ST3GAL1: variants seen among roughly 807,000 people sequenced by gnomAD.
The protein encoded by ST3GAL1 is CMP-N-acetylneuraminate-beta-galactosamide-alpha-2,3-sialyltransferase 1.
A neutral mutation model predicts 34.1 loss-of-function variants in ST3GAL1; 16 were observed. The ratio of observed to expected loss-of-function variants is 0.47; its 90% CI spans 0.32 to 0.71. The LOEUF is 0.71. ST3GAL1 is among the 30% of genes least tolerant of loss of function. The probability of loss-of-function intolerance (pLI) is 0.04; values close to 1 mark genes in which losing one functional copy is unlikely to be tolerated. For synonymous variants in ST3GAL1, 191 were observed against 184.7 expected (o/e 1.03, Z -0.28); for missense variants, 353 against 447.4 (o/e 0.79, Z 1.90).
Position 133,461,794 on chromosome 8 carries a change from C to G in ST3GAL1, c.849+81G>C. 1 of 1,584,188 alleles carries G rather than the reference C, an allele frequency of 6.3e-7. No homozygotes were observed. The highest frequency in any genetic ancestry group is 1.1e-5 in the South Asian group (1 of 87,206). ...GAAGAGGCAGGCTAGGTCTACCTGC[C>G]CTCCCCCTCCCTGGCCTCTCTTGGG... On this transcript the variant is annotated intron_variant, in intron 9 of 9. Coordinates refer to ENST00000522652, the MANE Select transcript of ST3GAL1 (RefSeq NM_173344.3). This position sits in a 1 kb window ranked among gnomAD's most constrained non-coding sequence, Gnocchi z 4.7.
At chr8:133,485,125 T>C (rs1043707212) in intron 3 of ST3GAL1, among the ~76,000 whole-genome samples, 18 of 151,990 alleles carry the variant, frequency 1.2e-4, no homozygotes, top group African/African-American at 4.4e-4. Context: ...GGCCACTGTC[T>C]ACAGGAGTGA....
At chr8:133,549,410 A>C (rs1486030143) in intron 1 of ST3GAL1, among the ~76,000 whole-genome samples, 1 of 152,104 alleles carries the variant, frequency 6.6e-6, no homozygotes, top group East Asian at 1.9e-4. Context: ...CTCCAAAAAA[A>C]AAAAAAGATA....
At chr8:133,484,437 A>C (rs1232079130) in intron 3 of ST3GAL1, among the ~76,000 whole-genome samples, 1 of 152,230 alleles carries the variant, frequency 6.6e-6, no homozygotes, top group Non-Finnish European at 1.5e-5. Flanking sequence ...AACAACTAGG[A>C]GATGGCAGAG....
chr8:133,465,396 C>T (rs1331774345), intron 6 of ST3GAL1, among the ~76,000 whole-genome samples: 1 of 152,142 alleles, frequency 6.6e-6, no homozygotes, highest in Non-Finnish European at 1.5e-5. Flanking sequence ...GGATGGCCAG[C>T]CCCCACCCCT....
At chr8:133,541,120 T>TATATATATATATATATATATATATATAG (rs71299078) in intron 2 of ST3GAL1, among the ~76,000 whole-genome samples, 6 of 48,628 alleles carry the variant, frequency 1.2e-4, no homozygotes, top group African/African-American at 4.9e-4. Context: ...TATATATATA[T>TATATATATATATATATATATATATATAG]AGAGAGAGAG....
At chr8:133,463,737 A>G (rs1815613229) in intron 7 of ST3GAL1, among the ~76,000 whole-genome samples, 1 of 152,200 alleles carries the variant, frequency 6.6e-6, no homozygotes. Flanking sequence ...CTCCAAGCAC[A>G]GCCTTAAGGA....
chr8:133,492,954 T>C (rs1816828493), intron 3 of ST3GAL1, among the ~76,000 whole-genome samples: 1 of 152,192 alleles, frequency 6.6e-6, no homozygotes, highest in Admixed American at 6.5e-5. Context: ...GAGGCGACTC[T>C]GGCAGGAGAG....
At chr8:133,565,090 G>T (rs1819350537) in intron 1 of ST3GAL1, among the ~76,000 whole-genome samples, 1 of 151,970 alleles carries the variant, frequency 6.6e-6, no homozygotes, top group Non-Finnish European at 1.5e-5. Flanking sequence ...TGGTAATCTT[G>T]TGACTACTCC....
At chr8:133,476,848 A>C (rs1432692545) in intron 3 of ST3GAL1, among the ~76,000 whole-genome samples, 2 of 152,236 alleles carry the variant, frequency 1.3e-5, no homozygotes, top group Non-Finnish European at 2.9e-5. Context: ...TCCAACAAGA[A>C]CCTAGCACAT....
At chr8:133,540,924 T>TATAGAC (rs1253984360) in intron 2 of ST3GAL1, among the ~76,000 whole-genome samples, 19 of 75,824 alleles carry the variant, frequency 2.5e-4, no homozygotes, top group African/African-American at 4.5e-4. Context: ...TATAGACATA[T>TATAGAC]ATATATAGAC....
chr8:133,531,191 T>C (rs1304371624), intron 2 of ST3GAL1, among the ~76,000 whole-genome samples: 1 of 152,170 alleles, frequency 6.6e-6, no homozygotes, highest in African/African-American at 2.4e-5. Flanking sequence ...ACATTTGTGA[T>C]TTTTCAATTG....
intron 2 of ST3GAL1, among the ~76,000 whole-genome samples, chr8:133,522,258 C>T (rs547907748): frequency 2.2e-4 from 33 of 152,270 alleles, no homozygotes; most frequent in African/African-American, 7.9e-4. Flanking sequence ...TGTGGAAAAA[C>T]GCAGACCCAG....
chr8:133,525,717 G>A (rs894542528), intron 2 of ST3GAL1, among the ~76,000 whole-genome samples: 2 of 152,172 alleles, frequency 1.3e-5, no homozygotes, highest in African/African-American at 4.8e-5. Flanking sequence ...AAGATGACAG[G>A]GGTCTGGCAT....
intron 7 of ST3GAL1, among the ~76,000 whole-genome samples, chr8:133,463,886 A>C (rs1815621169): frequency 6.6e-6 from 1 of 152,134 alleles, no homozygotes; most frequent in African/African-American, 2.4e-5. Context: ...AAGGTGCCAA[A>C]GCTGGTCCCA....
intron 2 of ST3GAL1, among the ~76,000 whole-genome samples, chr8:133,537,983 G>C (rs1375050812): frequency 3.3e-5 from 5 of 152,186 alleles, no homozygotes; most frequent in African/African-American, 1.2e-4. Flanking sequence ...TGGAAGGTCT[G>C]TGCGTCTTCT....
At chr8:133,548,586 A>G (rs1341343207) in intron 1 of ST3GAL1, among the ~76,000 whole-genome samples, 1 of 152,212 alleles carries the variant, frequency 6.6e-6, no homozygotes, top group African/African-American at 2.4e-5. Flanking sequence ...TGAGAGGGTG[A>G]CCAAAACAAT....
At chr8:133,529,979 T>C (rs1246038844) in intron 2 of ST3GAL1, among the ~76,000 whole-genome samples, 3 of 152,168 alleles carry the variant, frequency 2.0e-5, no homozygotes, top group Non-Finnish European at 4.4e-5. Context: ...AAATCTCTTA[T>C]TTGTTAACTT....
At chr8:133,555,507 C>A (rs528466048) in intron 1 of ST3GAL1, among the ~76,000 whole-genome samples, 1 of 152,156 alleles carries the variant, frequency 6.6e-6, no homozygotes, top group Admixed American at 6.5e-5. Flanking sequence ...ATGGGACATT[C>A]GTCCTGCCCT....
At chr8:133,548,173 A>G (rs1012241783) in intron 1 of ST3GAL1, among the ~76,000 whole-genome samples, 1 of 152,194 alleles carries the variant, frequency 6.6e-6, no homozygotes, top group African/African-American at 2.4e-5. Context: ...GAATTAAGGC[A>G]CGATGCTCAC....
Sources: gnomAD v4.1 joint callset for allele counts (sites outside exome capture counted in the v4.1 genomes callset) on GRCh38, gnomAD v4.1.1 for gene constraint, Gnocchi (gnomAD v3.1) non-coding constraint, MANE v1.5 for transcripts, NCBI Gene and HGNC (gene_info 2026-07-23, HGNC 2026-07-21) for gene names.